CADM2: variants seen among roughly 807,000 people sequenced by gnomAD.
CADM2 encodes immunoglobulin superfamily member 4D.
In CADM2, 12 loss-of-function variants were observed where a neutral mutation model predicts 49.8. The ratio of observed to expected loss-of-function variants is 0.24; its 90% CI spans 0.15 to 0.39. The LOEUF (loss-of-function observed/expected upper bound fraction) is 0.39, where lower values mean the gene tolerates loss of function less well. Among genes scored for constraint, CADM2 ranks in the 10% least tolerant of loss-of-function variants. The pLI, the probability that CADM2 is intolerant of heterozygous loss-of-function variation, is 1.00. For synonymous variants in CADM2, 214 were observed against 175.4 expected (o/e 1.22, Z -1.74); for missense variants, 378 against 492.3 (o/e 0.77, Z 2.20).
At chr3:85,484,274 G>A (rs1434576995) in intron 1 of CADM2, among the ~76,000 whole-genome samples, 2 of 151,830 alleles carry the variant, frequency 1.3e-5, no homozygotes, top group African/African-American at 4.8e-5. Context: ...AAACTTTCTG[G>A]GGTTTTGTGC....
chr3:85,489,401 T>C (rs2039565989), intron 1 of CADM2, among the ~76,000 whole-genome samples: 1 of 152,182 alleles, frequency 6.6e-6, no homozygotes, highest in East Asian at 1.9e-4. Context: ...AGTTTGTTTC[T>C]GTAAATATAT....
intron 1 of CADM2, among the ~76,000 whole-genome samples, chr3:85,130,494 A>G (rs2064724673): frequency 6.6e-6 from 1 of 152,226 alleles, no homozygotes; most frequent in Non-Finnish European, 1.5e-5. Flanking sequence ...TCAGTCCTTA[A>G]GTAACATGTA....
At chr3:85,316,765 A>G (rs955674650) in intron 1 of CADM2, among the ~76,000 whole-genome samples, 2 of 152,140 alleles carry the variant, frequency 1.3e-5, no homozygotes, top group South Asian at 4.1e-4. Flanking sequence ...GACATATACT[A>G]GCTCCCAATC....
chr3:85,697,543 T>C (rs1419936301), intron 1 of CADM2, among the ~76,000 whole-genome samples: 1 of 152,098 alleles, frequency 6.6e-6, no homozygotes, highest in Admixed American at 6.5e-5. Context: ...AAAGAAAAAA[T>C]ATGTTTTTGT....
intron 1 of CADM2, among the ~76,000 whole-genome samples, chr3:85,001,218 A>G (rs1472113573): frequency 1.3e-5 from 2 of 151,926 alleles, no homozygotes; most frequent in Admixed American, 6.6e-5. Context: ...TCTCTATTTA[A>G]TTATTCACTT....
At chr3:85,943,881 C>T (rs1221601405) in intron 7 of CADM2, among the ~76,000 whole-genome samples, 1 of 151,976 alleles carries the variant, frequency 6.6e-6, no homozygotes, top group South Asian at 2.1e-4. Flanking sequence ...GCAAAATAAC[C>T]AGCTAACATC....
Position 85,769,292 on chromosome 3 carries a change from ATATATACACG to A in CADM2, c.89-32746_89-32737del, listed in dbSNP as rs1296034403. On this transcript the variant is annotated intron_variant, in intron 2 of 9. Transcript: ENST00000383699. ...ATATATACATATATACATATATAGT[ATATATACACG>A]TATATACATATATACATATATAGTA... 9.2e-4 allele frequency among the ~76,000 whole-genome samples: 115 copies of A among 125,270 alleles called. 2 individuals are homozygous for A. Among genetic ancestry groups the A allele is most frequent in the African/African-American group, 3.4e-3 (108 of 31,468 alleles). 82.2% of individuals were successfully genotyped at this position (125,270 alleles called of 152,430 possible). A position where few individuals can be genotyped will look rare whatever the true frequency, so the allele number is the denominator to read the frequency against.
At chr3:85,818,399 G>A (rs2073349754) in intron 3 of CADM2, among the ~76,000 whole-genome samples, 1 of 152,110 alleles carries the variant, frequency 6.6e-6, no homozygotes, top group Non-Finnish European at 1.5e-5. Flanking sequence ...AAAGTGAGAG[G>A]GGGAAGCCAG....
At chr3:85,159,524 A>C (rs1302693938) in intron 1 of CADM2, among the ~76,000 whole-genome samples, 1 of 152,184 alleles carries the variant, frequency 6.6e-6, no homozygotes. Context: ...CAGTGGTTTC[A>C]CATGAGACAA....
rs547135096 is a variant in CADM2 at position 85,580,503 on chromosome 3, G to A, written c.62-146019G>A. ...CGGTATTGGAATGAAAGGGTGATGC[G>A]GGTGGTAAAGGTGGCTTGTGGCCAA... is the stretch of plus-strand genomic sequence containing the variant. On this transcript the variant is annotated intron_variant, in intron 1 of 9. Coordinates refer to ENST00000383699, the MANE Select transcript of CADM2 (RefSeq NM_001167675.2). Among the ~76,000 whole-genome samples the A allele has an allele frequency of 1.1e-3, 171 of 152,180 alleles. 1 individual carries two copies. The highest frequency in any genetic ancestry group is 1.5e-3 in the Non-Finnish European group (105 of 67,974).
intron 1 of CADM2, among the ~76,000 whole-genome samples, chr3:85,106,933 A>G (rs2038249349): frequency 6.6e-6 from 1 of 152,186 alleles, no homozygotes; most frequent in Non-Finnish European, 1.5e-5. Flanking sequence ...TAGGAGATCT[A>G]AAAGAAAACT....
At chr3:85,816,303 G>A (rs1240902878) in intron 3 of CADM2, among the ~76,000 whole-genome samples, 2 of 151,730 alleles carry the variant, frequency 1.3e-5, no homozygotes, top group Admixed American at 6.6e-5. Context: ...AAAACTTAGA[G>A]GCCACTGTAT....
At position 85,726,505 on chromosome 3, in the gene CADM2, C is replaced by T. The variant is rs1320706361; in HGVS notation, c.62-17C>T. On this transcript the variant is annotated splice_polypyrimidine_tract_variant and intron_variant, in intron 1 of 9. Coordinates refer to ENST00000383699, the MANE Select transcript of CADM2 (RefSeq NM_001167675.2). ...ATATGTTTGTTCTCTTCTTGTGCAA[C>T]CTTTCCTTGGTACCAGCGGCTGCTT... 2 of 1,612,048 alleles carry T rather than the reference C, an allele frequency of 1.2e-6. No homozygotes were observed. Among genetic ancestry groups the T allele is most frequent in the Middle Eastern group, 1.7e-4 (1 of 6,050 alleles).
At chr3:85,652,252 A>T (rs2065064809) in intron 1 of CADM2, among the ~76,000 whole-genome samples, 1 of 152,054 alleles carries the variant, frequency 6.6e-6, no homozygotes, top group Non-Finnish European at 1.5e-5. Flanking sequence ...AAATGATATT[A>T]ATTGGTTGGG....
At chr3:85,261,707 T>A (rs1252810818) in intron 1 of CADM2, among the ~76,000 whole-genome samples, 1 of 152,158 alleles carries the variant, frequency 6.6e-6, no homozygotes, top group South Asian at 2.1e-4. Flanking sequence ...AGATAGTATA[T>A]AAATTCCCAT....
chr3:85,061,142 G>T (rs1286049928), intron 1 of CADM2, among the ~76,000 whole-genome samples: 2 of 152,060 alleles, frequency 1.3e-5, no homozygotes, highest in African/African-American at 4.8e-5. Context: ...GACTTTCATA[G>T]CCATCTAAAA....
chr3:85,717,278 A>G (rs1368965498), intron 1 of CADM2, among the ~76,000 whole-genome samples: 1 of 152,118 alleles, frequency 6.6e-6, no homozygotes, highest in Non-Finnish European at 1.5e-5. Flanking sequence ...GACTTTGCTC[A>G]TGATTTGGCT....
chr3:85,460,301 T>C (rs2038183513), intron 1 of CADM2, among the ~76,000 whole-genome samples: 1 of 152,260 alleles, frequency 6.6e-6, no homozygotes, highest in East Asian at 1.9e-4. Context: ...TGTTATCTAT[T>C]TAATTCGTTA....
intron 1 of CADM2, among the ~76,000 whole-genome samples, chr3:85,396,221 C>G (rs1048493011): frequency 6.6e-6 from 1 of 151,516 alleles, no homozygotes; most frequent in African/African-American, 2.4e-5. Context: ...ATTAGTGAAG[C>G]TGTAAAGTTT....
Sources: gnomAD v4.1 joint callset for allele counts (sites outside exome capture counted in the v4.1 genomes callset) on GRCh38, gnomAD v4.1.1 for gene constraint, MANE v1.5 for transcripts, NCBI Gene and HGNC (gene_info 2026-07-23, HGNC 2026-07-21) for gene names.